DNM2: variants seen among roughly 807,000 people sequenced by gnomAD.
DNM2 encodes the protein dynamin 2, also known as dynamin-2.
Under a neutral mutation model 99.0 loss-of-function variants are expected in DNM2, and 15 were observed. The observed-to-expected ratio is 0.15, with a 90% CI of 0.10 to 0.23. DNM2 has a LOEUF of 0.23. Among genes scored for constraint, DNM2 ranks in the 10% least tolerant of loss-of-function variants. DNM2 has a pLI of 1.00. For missense variants in DNM2, 742 were observed against 1,189.4 expected (o/e 0.62, Z 5.53); for synonymous variants, 525 against 481.2 (o/e 1.09, Z -1.19).
At position 10,746,734 on chromosome 19, in the gene DNM2, G is replaced by GT. The variant is rs1442794369; in HGVS notation, c.162-12990dup. Among the ~76,000 whole-genome samples the GT allele has an allele frequency of 8.7e-3, 1,070 of 123,082 alleles. 53 individuals are homozygous for GT. The highest frequency in any genetic ancestry group is 0.011 in the Non-Finnish European group (643 of 61,064). The allele number at this position is 123,082 out of a possible 152,430, so 80.7% of individuals were successfully genotyped here. On this transcript the variant is annotated intron_variant, in intron 1 of 20. Transcript: ENST00000389253. Reference sequence around the variant, plus strand: ...CGTGCCGGCTTTTTTTTTGTTTTTTGTTTTTTTTTTTTTTGAGACAGTCTC... The same window carrying GT: ...CGTGCCGGCTTTTTTTTTGTTTTTTGTTTTTTTTTTTTTTTGAGACAGTCTC...
At chr19:10,739,309 TG>T (rs2069651597) in intron 1 of DNM2, among the ~76,000 whole-genome samples, 1 of 152,252 alleles carries the variant, frequency 6.6e-6, no homozygotes, top group African/African-American at 2.4e-5. Context: ...CTAATCCTTT[TG>T]AAATATACTA....
chr19:10,744,643 C>T (rs2069895160), intron 1 of DNM2, among the ~76,000 whole-genome samples: 1 of 152,138 alleles, frequency 6.6e-6, no homozygotes, highest in African/African-American at 2.4e-5. Context: ...CCATACATGG[C>T]TGACCACCCT....
intron 15 of DNM2, among the ~76,000 whole-genome samples, chr19:10,813,173 T>TC (rs1361784277): frequency 3.3e-5 from 5 of 152,102 alleles, no homozygotes; most frequent in African/African-American, 1.2e-4. Flanking sequence ...TGCAGAACGA[T>TC]CCCCACATGC....
At position 10,798,466 on chromosome 19, in the gene DNM2, C is replaced by A; in HGVS notation, c.1336-20C>A. 6.2e-7 allele frequency: 1 copy of A among 1,613,950 alleles called. No homozygotes were observed. The highest frequency in any genetic ancestry group is 8.5e-7 in the Non-Finnish European group (1 of 1,179,854). Reference sequence around the variant, plus strand: ...GCCACGAGGACCCCGCCAATGCGACCACTCTGCTTGTTCCCCCAGCTCAGT... The same window carrying A: ...GCCACGAGGACCCCGCCAATGCGACAACTCTGCTTGTTCCCCCAGCTCAGT... On this transcript the variant is annotated intron_variant, in intron 10 of 20. Coordinates refer to ENST00000389253, the MANE Select transcript of DNM2 (RefSeq NM_001005361.3).
Position 10,830,603 on chromosome 19 carries a change from C to G in DNM2, c.2543+225C>G, listed in dbSNP as rs540762176. On this transcript the variant is annotated intron_variant, in intron 20 of 20. Transcript: ENST00000389253. This position sits in a 1 kb window ranked among gnomAD's most constrained non-coding sequence, Gnocchi z 4.8. ...GGTGACTCCGGGGCTCCCAGCTTGCCCTCTGCCTACTGGGGTGTGCCACCA... is the reference window on the plus strand; with the variant it reads ...GGTGACTCCGGGGCTCCCAGCTTGCGCTCTGCCTACTGGGGTGTGCCACCA... 1.4e-5 allele frequency: 9 copies of G among 627,310 alleles called. No homozygotes were observed. The highest frequency in any genetic ancestry group is 2.5e-5 in the Non-Finnish European group (9 of 364,066). The allele number at this position is 627,310 out of a possible 1,614,324, so 38.9% of individuals were successfully genotyped here. A position where few individuals can be genotyped will look rare whatever the true frequency, so the allele number is the denominator to read the frequency against.
At chr19:10,799,627 A>G (rs1259806209) in intron 11 of DNM2, among the ~76,000 whole-genome samples, 3 of 142,754 alleles carry the variant, frequency 2.1e-5, no homozygotes, top group East Asian at 4.2e-4. Context: ...TCCACTTCCC[A>G]GGTTCAAGTG....
chr19:10,802,320 C>T lies in DNM2; in HGVS notation c.1455C>T (p.Tyr485=). The T allele has an allele frequency of 1.2e-6, 2 of 1,614,158 alleles. No individual in the cohort carries two copies. The highest frequency in any genetic ancestry group is 1.7e-6 in the Non-Finnish European group (2 of 1,180,030). ...ILLLIDIEQS[Y]INTNHEDFIG... ...TGCTGATCGACATTGAGCAGTCCTA[C>T]ATCAACACGAACCATGAGGACTTCA... Residue 485 remains tyrosine, a synonymous_variant, in exon 12 of 21, where the codon TAC becomes TAT. Coordinates refer to ENST00000389253, the MANE Select transcript of DNM2 (RefSeq NM_001005361.3).
chr19:10,720,011 C>G (rs2068883151), intron 1 of DNM2, among the ~76,000 whole-genome samples: 3 of 150,692 alleles, frequency 2.0e-5, no homozygotes, highest in Non-Finnish European at 3.0e-5. Flanking sequence ...CCAGCTGGGC[C>G]TGGCCTGATC....
chr19:10,731,509 C>T (rs1460672364), intron 1 of DNM2, among the ~76,000 whole-genome samples: 9 of 152,028 alleles, frequency 5.9e-5, no homozygotes, highest in African/African-American at 1.7e-4. Context: ...TGCACCACCA[C>T]GCCTGGCTAA....
At chr19:10,808,620 C>G in intron 14 of DNM2, 40 bp downstream of exon 14, 4 of 1,607,110 alleles carry the variant, frequency 2.5e-6, no homozygotes, top group Non-Finnish European at 2.6e-6. Context: ...ATTAGAGAAT[C>G]TAGTGGTGAT....
At chr19:10,783,416 A>G (rs1359095499) in intron 6 of DNM2, among the ~76,000 whole-genome samples, 1 of 152,140 alleles carries the variant, frequency 6.6e-6, no homozygotes, top group Non-Finnish European at 1.5e-5. Flanking sequence ...TCAGTGAGCC[A>G]TGTTCATGCC....
rs1167180463 is a variant in DNM2, at chr19:10,756,335, A to ACC, written c.162-3399_162-3398dup. On this transcript the variant is annotated intron_variant, in intron 1 of 20. Coordinates refer to ENST00000389253, the MANE Select transcript of DNM2 (RefSeq NM_001005361.3). ...CCTGCAGTATGTCTTCCTCGCACCCACCCCCGTCAGAATGTTGGCGCCAGT... is the reference window on the plus strand; with the variant it reads ...CCTGCAGTATGTCTTCCTCGCACCCACCCCCCCGTCAGAATGTTGGCGCCAGT... Among the ~76,000 whole-genome samples the ACC allele has an allele frequency of 1.3e-4, 18 of 134,152 alleles. No individual in the cohort carries two copies. In the Admixed American group the frequency reaches 1.4e-3, roughly 10 times the overall value. 88.0% of individuals were successfully genotyped at this position (134,152 alleles called of 152,430 possible).
chr19:10,718,113 C>A lies in DNM2; in HGVS notation c.-130C>A, dbSNP rs1568258130. The A allele has an allele frequency of 4.6e-6, 5 of 1,089,738 alleles. No homozygotes were observed. Among genetic ancestry groups the A allele is most frequent in the Non-Finnish European group, 4.7e-6 (4 of 854,070 alleles). The allele number at this position is 1,089,738 out of a possible 1,614,324, so 67.5% of individuals were successfully genotyped here. ...ATGAGGCGGCGACCGTGAGGCCGAG[C>A]CGGGAGCGGGCGTCTTGCCGAGGCC... On this transcript the variant is annotated 5_prime_UTR_variant, in exon 1 of 21. Transcript: ENST00000389253.
At chr19:10,729,918 A>AGTGGCACAGTC in intron 1 of DNM2, among the ~76,000 whole-genome samples, 1 of 151,366 alleles carries the variant, frequency 6.6e-6, no homozygotes, top group East Asian at 2.0e-4. Flanking sequence ...GCTGGAGTGC[A>AGTGGCACAGTC]GTGGCACAGT....
At chr19:10,751,505 G>C (rs960028419) in intron 1 of DNM2, among the ~76,000 whole-genome samples, 7 of 152,152 alleles carry the variant, frequency 4.6e-5, no homozygotes, top group Non-Finnish European at 8.8e-5. Flanking sequence ...TTTCTGGAAG[G>C]CTCCAAGTAC....
At position 10,830,425 on chromosome 19, in the gene DNM2, G is replaced by A. The variant is rs2073299583; in HGVS notation, c.2543+47G>A. 1.3e-6 allele frequency: 2 copies of A among 1,593,224 alleles called. No individual in the cohort carries two copies. Among genetic ancestry groups the A allele is most frequent in the Non-Finnish European group, 8.5e-7 (1 of 1,173,028 alleles). On this transcript the variant is annotated intron_variant, in intron 20 of 20. Transcript: ENST00000389253. The surrounding 1 kb of genome is among the most constrained non-coding windows in gnomAD (Gnocchi z 4.8). The stretch of plus-strand genomic sequence containing the variant: ...CCACCCCAACTGCCTGCACCCTGGG[G>A]TCTCTCCTCCTGTCTCACTTCCTCC...
rs1411273629 is a variant in DNM2, at chr19:10,811,437, G to T, written c.1558-827G>T. The T allele has an allele frequency of 1.2e-5, 4 of 340,464 alleles. No homozygotes were observed. Among genetic ancestry groups the T allele is most frequent in the Non-Finnish European group, 1.8e-5 (3 of 171,276 alleles). 21.1% of individuals were successfully genotyped at this position (340,464 alleles called of 1,614,324 possible). On this transcript the variant is annotated intron_variant, in intron 14 of 20. Coordinates refer to ENST00000389253, the MANE Select transcript of DNM2 (RefSeq NM_001005361.3). This position sits in a 1 kb window ranked among gnomAD's most constrained non-coding sequence, Gnocchi z 5.4. Reference sequence around the variant, plus strand: ...TGCCCTGCCATGCCCTGCACTGGGGGATGCAGGCCAGCCCTTCGCAGCTGT... The same window carrying T: ...TGCCCTGCCATGCCCTGCACTGGGGTATGCAGGCCAGCCCTTCGCAGCTGT...
chr19:10,788,371 A>T (rs2071639303), intron 7 of DNM2, among the ~76,000 whole-genome samples: 2 of 152,178 alleles, frequency 1.3e-5, no homozygotes, highest in South Asian at 4.2e-4. Context: ...TCAGAGGAAG[A>T]CCCTGTGGCT....
Position 10,823,806 on chromosome 19 carries a change from G to A in DNM2, c.1800G>A (p.Leu600=). ...NTEQRNVYKD[L]RQIELACDSQ... is the part of the protein sequence containing the mutation. ...CCCGCAGAAACGTCTACAAGGACCTGCGGCAGATCGAGCTGGCCTGTGACT... is the reference window on the plus strand; with the variant it reads ...CCCGCAGAAACGTCTACAAGGACCTACGGCAGATCGAGCTGGCCTGTGACT... Residue 600 remains leucine (L), a synonymous_variant, in exon 17 of 21, where the codon CTG becomes CTA. Transcript: ENST00000389253. 6.2e-7 allele frequency: 1 copy of A among 1,613,672 alleles called. No individual in the cohort carries two copies. Among genetic ancestry groups the A allele is most frequent in the Non-Finnish European group, 8.5e-7 (1 of 1,179,976 alleles).
Sources: gnomAD v4.1 joint callset for allele counts (sites outside exome capture counted in the v4.1 genomes callset) on GRCh38, gnomAD v4.1.1 for gene constraint, Gnocchi (gnomAD v3.1) non-coding constraint, MANE v1.5 for transcripts, NCBI Gene and HGNC (gene_info 2026-07-23, HGNC 2026-07-21) for gene names.